WWC1: variants seen among roughly 807,000 people sequenced by gnomAD.
The protein encoded by WWC1 is WW and C2 domain containing 1, also known as protein KIBRA.
Under a neutral mutation model 138.4 loss-of-function variants are expected in WWC1, and 55 were observed. The ratio of observed to expected loss-of-function variants is 0.40; its 90% CI spans 0.32 to 0.50. The LOEUF (loss-of-function observed/expected upper bound fraction) is 0.50. WWC1 is among the 20% of genes least tolerant of loss of function. The pLI is 0.72. For missense variants in WWC1, 1,226 were observed against 1,420.4 expected (o/e 0.86, Z 2.20); for synonymous variants, 524 against 564.9 (o/e 0.93, Z 1.03).
chr5:168,333,226 C>G (rs1299133981), intron 1 of WWC1, among the ~76,000 whole-genome samples: 1 of 152,206 alleles, frequency 6.6e-6, no homozygotes, highest in East Asian at 1.9e-4. Flanking sequence ...ATTCACTAAC[C>G]AATTGACTAT....
chr5:168,423,397 G>A (rs1391029082), intron 10 of WWC1, 136 bp from the exon 11 acceptor site: 4 of 933,804 alleles, frequency 4.3e-6, no homozygotes, highest in Non-Finnish European at 3.2e-6. Flanking sequence ...TCCATGAAGT[G>A]GGGGTGAAGG....
At chr5:168,461,362 A>G (rs1481080057) in intron 20 of WWC1, among the ~76,000 whole-genome samples, 1 of 152,090 alleles carries the variant, frequency 6.6e-6, no homozygotes, top group African/African-American at 2.4e-5. Context: ...AACCAACCCA[A>G]CAGTCATCAG....
intron 5 of WWC1, among the ~76,000 whole-genome samples, chr5:168,403,512 A>G (rs1779544287): frequency 1.3e-5 from 2 of 152,186 alleles, no homozygotes; most frequent in Non-Finnish European, 1.5e-5. Flanking sequence ...AGTTCAATTC[A>G]TAGTCAGCAA....
At chr5:168,398,109 A>AT (rs1189063917) in intron 4 of WWC1, among the ~76,000 whole-genome samples, 4 of 150,926 alleles carry the variant, frequency 2.7e-5, no homozygotes, top group Admixed American at 6.6e-5. Context: ...ATTTATTTTT[A>AT]TTTTTATTTT....
At chr5:168,329,150 A>C (rs1265278897) in intron 1 of WWC1, among the ~76,000 whole-genome samples, 2 of 152,160 alleles carry the variant, frequency 1.3e-5, no homozygotes, top group African/African-American at 4.8e-5. Flanking sequence ...AGAAAGTCCT[A>C]TCGGAGAGCT....
chr5:168,441,035 G>A (rs1036487727), intron 15 of WWC1, among the ~76,000 whole-genome samples: 8 of 152,124 alleles, frequency 5.3e-5, no homozygotes, highest in Non-Finnish European at 1.0e-4. Flanking sequence ...CCGCATCACC[G>A]CACTCCAGCC....
chr5:168,299,818 G>T (rs563538693), intron 1 of WWC1, among the ~76,000 whole-genome samples: 41 of 152,356 alleles, frequency 2.7e-4, no homozygotes, highest in African/African-American at 9.4e-4. Context: ...CAGAAGCCTT[G>T]ATCAGGCTTC....
At chr5:168,438,040 T>C (rs531612865) in intron 15 of WWC1, among the ~76,000 whole-genome samples, 8 of 152,256 alleles carry the variant, frequency 5.3e-5, no homozygotes, top group African/African-American at 1.9e-4. Context: ...GTGCCAAGCA[T>C]TTAATTACCT....
At chr5:168,298,679 G>T (rs1443350548) in intron 1 of WWC1, among the ~76,000 whole-genome samples, 1 of 152,174 alleles carries the variant, frequency 6.6e-6, no homozygotes, top group African/African-American at 2.4e-5. Context: ...TCTATTGAGT[G>T]TTTACTCTCT....
chr5:168,417,816 G>A (rs1780773311), intron 9 of WWC1, among the ~76,000 whole-genome samples: 1 of 152,178 alleles, frequency 6.6e-6, no homozygotes, highest in Admixed American at 6.5e-5. Context: ...AGCCATGTAT[G>A]CCCTAAGAGG....
At chr5:168,382,561 G>C (rs1777726160) in intron 2 of WWC1, among the ~76,000 whole-genome samples, 1 of 152,206 alleles carries the variant, frequency 6.6e-6, no homozygotes, top group Admixed American at 6.5e-5. Context: ...TGTGCCAGCT[G>C]GAGGTGTAGG....
At chr5:168,415,815 C>CGGGTGTGTGT (rs1780590438) in intron 9 of WWC1, 1 of 6,562 alleles carries the variant, frequency 1.5e-4, no homozygotes, top group Non-Finnish European at 2.3e-4. Context: ...GGGGGGGGGG[C>CGGGTGTGTGT]GTGTGTGTGT....
At chr5:168,333,661 T>G (rs1020703832) in intron 1 of WWC1, among the ~76,000 whole-genome samples, 3 of 151,910 alleles carry the variant, frequency 2.0e-5, no homozygotes. Context: ...AAGGAGAGAG[T>G]GCAGGAGAGG....
chr5:168,321,189 T>A (rs976063881), intron 1 of WWC1, among the ~76,000 whole-genome samples: 2 of 152,164 alleles, frequency 1.3e-5, no homozygotes, highest in Admixed American at 6.5e-5. Context: ...CCACCGGGAT[T>A]AATTCCATGA....
chr5:168,443,952 G>A (rs1034802490), intron 16 of WWC1, among the ~76,000 whole-genome samples: 10 of 152,196 alleles, frequency 6.6e-5, no homozygotes, highest in African/African-American at 2.2e-4. Flanking sequence ...GTTATTAGAG[G>A]AAACAGTCTC....
intron 1 of WWC1, among the ~76,000 whole-genome samples, chr5:168,336,471 C>G (rs1460970437): frequency 1.3e-5 from 2 of 148,340 alleles, no homozygotes; most frequent in Non-Finnish European, 3.0e-5. Flanking sequence ...ACTAGGGAGG[C>G]TGAGGCAGGA....
At chr5:168,326,214 G>GTTTTTTTTTTTTTTTTTTTTTTT (rs1772519891) in intron 1 of WWC1, among the ~76,000 whole-genome samples, 1 of 111,720 alleles carries the variant, frequency 9.0e-6, no homozygotes, top group African/African-American at 3.3e-5. Context: ...CGACCTGATA[G>GTTTTTTTTTTTTTTTTTTTTTTT]TCTTTTTTTT....
chr5:168,395,554 G>A (rs1253334729), intron 3 of WWC1, among the ~76,000 whole-genome samples: 1 of 152,200 alleles, frequency 6.6e-6, no homozygotes, highest in African/African-American at 2.4e-5. Flanking sequence ...GTATGCTTAA[G>A]GTGATACCTC....
intron 1 of WWC1, among the ~76,000 whole-genome samples, chr5:168,302,427 A>C (rs1770173343): frequency 1.3e-5 from 2 of 152,124 alleles, no homozygotes; most frequent in Admixed American, 1.3e-4. Context: ...AAATAGATAA[A>C]TCGCATTATG....
Sources: allele counts gnomAD v4.1 joint callset (sites outside exome capture counted in the v4.1 genomes callset), GRCh38; gene constraint gnomAD v4.1.1; transcripts MANE v1.5; gene names NCBI Gene and HGNC (gene_info 2026-07-23, HGNC 2026-07-21).